UGT8: variants seen among roughly 807,000 people sequenced by gnomAD.
The protein encoded by UGT8 is 2-hydroxyacylsphingosine 1-beta-galactosyltransferase.
A neutral mutation model predicts 40.5 loss-of-function variants in UGT8; 12 were observed. The observed-to-expected ratio is 0.30, with a 90% CI of 0.19 to 0.48. The LOEUF (loss-of-function observed/expected upper bound fraction) is 0.48. Ranked by LOEUF, UGT8 falls within the 20% of genes least tolerant of loss-of-function variation. The probability of loss-of-function intolerance (pLI) is 0.99; values close to 1 mark genes in which losing one functional copy is unlikely to be tolerated. For missense variants in UGT8, 513 were observed against 648.7 expected (o/e 0.79, Z 2.27); for synonymous variants, 224 against 240.4 (o/e 0.93, Z 0.63).
chr4:114,608,249 T>C (rs146489017), intron 1 of UGT8, among the ~76,000 whole-genome samples: 9 of 152,330 alleles, frequency 5.9e-5, no homozygotes, highest in Middle Eastern at 3.4e-3. Flanking sequence ...CTGTCACTTT[T>C]CTGTGACTTT....
rs1402519792 is a variant in UGT8, at chr4:114,675,726, C to T, written c.1263-199C>T. ...CTGCACTCCAGCCTGGGCGACAGAG[C>T]GAGACTCCGTCTCAAAAAAAAAAAA... On this transcript the variant is annotated intron_variant, in intron 5 of 5. Transcript: ENST00000310836. The T allele has an allele frequency of 4.8e-5, 13 of 271,582 alleles. 1 individual carries two copies. The South Asian group carries it at 1.9e-3, about 39-fold the overall frequency. 16.8% of individuals were successfully genotyped at this position (271,582 alleles called of 1,614,324 possible).
intron 5 of UGT8, among the ~76,000 whole-genome samples, chr4:114,672,592 A>C (rs1403973567): frequency 2.0e-5 from 3 of 152,034 alleles, no homozygotes; most frequent in African/African-American, 4.8e-5. Context: ...GCGTGTTCTC[A>C]CTCATAAGTG....
chr4:114,675,331 A>T (rs1735557595), intron 5 of UGT8, among the ~76,000 whole-genome samples: 1 of 152,226 alleles, frequency 6.6e-6, no homozygotes, highest in Admixed American at 6.5e-5. Context: ...GTGTGGAAAC[A>T]GCATAGGGTT....
intron 2 of UGT8, among the ~76,000 whole-genome samples, chr4:114,628,675 G>C (rs1351616096): frequency 6.7e-6 from 1 of 150,352 alleles, no homozygotes; most frequent in African/African-American, 2.4e-5. Flanking sequence ...TTCCACATTA[G>C]GAGTATTTAT....
intron 2 of UGT8, among the ~76,000 whole-genome samples, chr4:114,661,273 T>TTG (rs985998854): frequency 3.3e-5 from 5 of 151,958 alleles, no homozygotes; most frequent in Admixed American, 1.3e-4. Flanking sequence ...GAGTTAGGAT[T>TTG]TGTGTGTGTG....
chr4:114,674,867 G>T (rs1015333716), intron 5 of UGT8, among the ~76,000 whole-genome samples: 1 of 152,220 alleles, frequency 6.6e-6, no homozygotes, highest in African/African-American at 2.4e-5. Flanking sequence ...CTTCAGTCAT[G>T]AATTCATGCA....
chr4:114,673,131 G>A (rs1735404205), intron 5 of UGT8, among the ~76,000 whole-genome samples: 1 of 151,156 alleles, frequency 6.6e-6, no homozygotes, highest in Non-Finnish European at 1.5e-5. Flanking sequence ...TTATCTAAGA[G>A]ATCTCTTGGA....
intron 2 of UGT8, among the ~76,000 whole-genome samples, chr4:114,657,481 T>C (rs1043146791): frequency 1.3e-5 from 2 of 152,164 alleles, no homozygotes; most frequent in Non-Finnish European, 2.9e-5. Flanking sequence ...TCTCTATTGC[T>C]TCTGTAGCGT....
chr4:114,599,608 G>T lies in UGT8; in HGVS notation c.-3+634G>T, dbSNP rs1400866779. ...AATGGACAGTGTACAGTGGTGGCAG[G>T]GTTTCACGGGTCCCCGCGCCGATTT... is the stretch of plus-strand genomic sequence containing the variant. On this transcript the variant is annotated intron_variant, in intron 1 of 5. Coordinates refer to ENST00000310836, the MANE Select transcript of UGT8 (RefSeq NM_001128174.3). Among the ~76,000 whole-genome samples the T allele has an allele frequency of 2.0e-5, 3 of 152,324 alleles. No individual in the cohort carries two copies. In the East Asian group the frequency reaches 5.8e-4, roughly 29 times the overall value.
intron 1 of UGT8, 82 bp from the exon 2 acceptor site, chr4:114,622,797 G>A: frequency 8.1e-7 from 1 of 1,237,986 alleles, no homozygotes; most frequent in South Asian, 1.6e-5. Context: ...AGATATTTTT[G>A]GGGAAAAATG....
chr4:114,616,095 C>T (rs192044368), intron 1 of UGT8, among the ~76,000 whole-genome samples: 1,875 of 152,146 alleles, frequency 0.012, 29 homozygotes, highest in African/African-American at 0.034. Context: ...TCTCCAGCTG[C>T]GTTCTGGGAG....
chr4:114,661,767 C>G (rs1048780705), intron 2 of UGT8, among the ~76,000 whole-genome samples: 3 of 152,210 alleles, frequency 2.0e-5, no homozygotes, highest in Non-Finnish European at 4.4e-5. Context: ...GGTTCCCACT[C>G]TTCCTTCTAA....
chr4:114,654,442 C>T (rs1294556019), intron 2 of UGT8, among the ~76,000 whole-genome samples: 2 of 152,010 alleles, frequency 1.3e-5, no homozygotes, highest in African/African-American at 4.8e-5. Context: ...TAAGCAACCA[C>T]CTATTATACC....
intron 1 of UGT8, among the ~76,000 whole-genome samples, chr4:114,617,308 GA>G (rs1307295949): frequency 6.6e-6 from 1 of 152,168 alleles, no homozygotes; most frequent in Non-Finnish European, 1.5e-5. Flanking sequence ...CACTTTTACA[GA>G]TGAACGTTTT....
In UGT8 at chr4:114,668,204, AC is replaced by A. The variant is rs1221111417; in HGVS notation, c.1164del (p.Arg389GlufsTer11). ...CTTTGGAGACCATTATGATACTATG[AC>A]CAGAGTACAGGCAAAAGGCATGGGG... Reference protein sequence around the residue: ...PLFGDHYDTMTRVQAKGMGIL... With the variant: ...PLFGDHYDTMXRVQAKGMGIL... On this transcript the variant is annotated frameshift_variant, in exon 5 of 6. Transcript: ENST00000310836. LOFTEE classifies it high-confidence loss of function. The A allele has an allele frequency of 6.2e-7, 1 of 1,613,758 alleles. No individual in the cohort carries two copies. The highest frequency in any genetic ancestry group is 8.5e-7 in the Non-Finnish European group (1 of 1,179,862).
chr4:114,625,960 G>A (rs1409363745), intron 2 of UGT8, among the ~76,000 whole-genome samples: 1 of 152,202 alleles, frequency 6.6e-6, no homozygotes, highest in Admixed American at 6.5e-5. Flanking sequence ...AGTTTGCTTT[G>A]TGCCAGTTAG....
chr4:114,650,417 C>T (rs1301840810), intron 2 of UGT8, among the ~76,000 whole-genome samples: 2 of 152,120 alleles, frequency 1.3e-5, no homozygotes, highest in Non-Finnish European at 2.9e-5. Context: ...AAATAACTCC[C>T]ACATGCATAG....
chr4:114,646,886 T>G (rs1332389013), intron 2 of UGT8, among the ~76,000 whole-genome samples: 1 of 152,194 alleles, frequency 6.6e-6, no homozygotes, highest in Admixed American at 6.5e-5. Flanking sequence ...CCACAATCAC[T>G]GGGGACAGGC....
chr4:114,607,613 T>C (rs1730812484), intron 1 of UGT8, among the ~76,000 whole-genome samples: 2 of 152,240 alleles, frequency 1.3e-5, no homozygotes, highest in Non-Finnish European at 1.5e-5. Flanking sequence ...GCTGTATTTC[T>C]AATTGTGATT....
Sources: gnomAD v4.1 joint callset for allele counts (sites outside exome capture counted in the v4.1 genomes callset) on GRCh38, gnomAD v4.1.1 for gene constraint, MANE v1.5 for transcripts, NCBI Gene and HGNC (gene_info 2026-07-23, HGNC 2026-07-21) for gene names.